The following TPTE variants were observed in gnomAD, a reference collection of about 807,000 sequenced individuals.
The protein encoded by TPTE is putative tyrosine-protein phosphatase TPTE.
Under a neutral mutation model 84.1 loss-of-function variants are expected in TPTE, and 59 were observed. That is an observed-to-expected ratio of 0.70 (90% CI 0.57 to 0.87). TPTE has a LOEUF of 0.87. TPTE is among the 40% of genes least tolerant of loss of function. The probability of loss-of-function intolerance (pLI) is 0.00; values close to 1 mark genes in which losing one functional copy is unlikely to be tolerated. For missense variants in TPTE, 382 were observed against 659.6 expected, an observed-to-expected ratio of 0.58 and a Z score of 4.61; for synonymous variants, 130 against 223.5, an observed-to-expected ratio of 0.58 and a Z score of 3.73.
chr21:10,547,124 C>T (rs926608211), intron 7 of TPTE, among the ~76,000 whole-genome samples: 1 of 152,312 alleles, frequency 6.6e-6, no homozygotes, highest in African/African-American at 2.4e-5. Context: ...AAGTTGAAGC[C>T]AACAATCATT....
intron 7 of TPTE, among the ~76,000 whole-genome samples, chr21:10,547,150 C>A (rs1472194780): frequency 6.6e-6 from 1 of 152,310 alleles, no homozygotes; most frequent in Non-Finnish European, 1.5e-5. Flanking sequence ...TTCTGAAAAT[C>A]CTGGGGCCCG....
intron 1 of TPTE, among the ~76,000 whole-genome samples, chr21:10,522,203 GC>G (rs1235572856): frequency 4.6e-5 from 7 of 152,398 alleles, no homozygotes; most frequent in African/African-American, 1.7e-4. Flanking sequence ...CCTCTAGGGC[GC>G]CCCCTCCCCA....
At chr21:10,588,697 A>G in intron 17 of TPTE, among the ~76,000 whole-genome samples, 1 of 152,428 alleles carries the variant, frequency 6.6e-6, no homozygotes, top group East Asian at 1.9e-4. Context: ...GACTTTCTTC[A>G]CTTTTAAAAA....
chr21:10,554,481 T>C (rs895296136), intron 8 of TPTE, among the ~76,000 whole-genome samples: 3 of 152,424 alleles, frequency 2.0e-5, no homozygotes, highest in Admixed American at 2.0e-4. Context: ...TTCTCTGATA[T>C]TAGTAAATAT....
chr21:10,546,249 T>C (rs2074465553), intron 7 of TPTE, among the ~76,000 whole-genome samples: 1 of 152,310 alleles, frequency 6.6e-6, no homozygotes, highest in African/African-American at 2.4e-5. Flanking sequence ...GATGTTACTA[T>C]TGTAATTGTT....
At chr21:10,527,172 G>GACAC (rs377575461) in intron 2 of TPTE, among the ~76,000 whole-genome samples, 183 bp from the exon 3 acceptor site, 13 of 127,794 alleles carry the variant, frequency 1.0e-4, no homozygotes, top group East Asian at 4.5e-4. Context: ...CACACACACA[G>GACAC]ACACACACAC....
chr21:10,593,839 C>G (rs1165713569), intron 19 of TPTE, among the ~76,000 whole-genome samples: 2 of 152,310 alleles, frequency 1.3e-5, no homozygotes, highest in Non-Finnish European at 2.9e-5. Context: ...ATGAGTTTTT[C>G]TTTAAGTGGT....
At chr21:10,543,652 CTT>C (rs1277905847) in intron 7 of TPTE, among the ~76,000 whole-genome samples, 5 of 152,310 alleles carry the variant, frequency 3.3e-5, no homozygotes, top group Non-Finnish European at 7.3e-5. Flanking sequence ...TTGTAGATAA[CTT>C]TGCACCTTTT....
intron 3 of TPTE, among the ~76,000 whole-genome samples, chr21:10,529,849 C>T (rs1461255251): frequency 6.6e-6 from 1 of 152,302 alleles, no homozygotes; most frequent in African/African-American, 2.4e-5. Context: ...ACTTTCATGC[C>T]CTAGTTTTAG....
At chr21:10,596,179 T>C in intron 20 of TPTE, 92 bp downstream of exon 20, 1 of 1,512,700 alleles carries the variant, frequency 6.6e-7, no homozygotes, top group African/African-American at 1.4e-5. Flanking sequence ...ATACAGATGA[T>C]CCTAACTCAT....
At chr21:10,549,628 G>A (rs1385560649) in intron 7 of TPTE, among the ~76,000 whole-genome samples, 1 of 152,278 alleles carries the variant, frequency 6.6e-6, no homozygotes, top group Non-Finnish European at 1.5e-5. Flanking sequence ...CAAGTCTTTT[G>A]AAATAACACA....
chr21:10,535,591 C>G (rs1279855969), intron 3 of TPTE, among the ~76,000 whole-genome samples: 1 of 152,304 alleles, frequency 6.6e-6, no homozygotes, highest in African/African-American at 2.4e-5. Context: ...TAGTAGTATC[C>G]AATCCCTTAG....
intron 23 of TPTE, 66 bp from the exon 24 acceptor site, chr21:10,605,351 G>A (rs1979151005): frequency 2.5e-6 from 4 of 1,581,600 alleles, no homozygotes; most frequent in South Asian, 2.3e-5. Context: ...TCTAACGTGG[G>A]TACCCAACTG....
chr21:10,534,568 T>G (rs1445048863), intron 3 of TPTE, among the ~76,000 whole-genome samples: 1 of 152,310 alleles, frequency 6.6e-6, no homozygotes, highest in African/African-American at 2.4e-5. Flanking sequence ...AGTTTAATTC[T>G]TTAGCTCTGA....
At chr21:10,594,265 G>T (rs2075539816) in intron 19 of TPTE, among the ~76,000 whole-genome samples, 1 of 152,306 alleles carries the variant, frequency 6.6e-6, no homozygotes, top group Non-Finnish European at 1.5e-5. Context: ...TTTTCCTAGA[G>T]TCCCTTTCCC....
Position 10,561,599 on chromosome 21 carries a change from AC to A in TPTE, c.446+416del, listed in dbSNP as rs1231096545. ...AGAACATTGGTGGTAGTCTGGCAGTACCCCCCCCATGTCCTGTGTTTGAGGT... is the reference window on the plus strand; with the variant it reads ...AGAACATTGGTGGTAGTCTGGCAGTACCCCCCCATGTCCTGTGTTTGAGGT... On this transcript the variant is annotated intron_variant, in intron 10 of 23. Coordinates refer to ENST00000618007, the MANE Select transcript of TPTE (RefSeq NM_199261.4). Among the ~76,000 whole-genome samples the A allele has an allele frequency of 5.5e-4, 84 of 152,266 alleles. No individual in the cohort carries two copies. In the South Asian group the frequency reaches 0.016, roughly 30 times the overall value.
intron 10 of TPTE, among the ~76,000 whole-genome samples, chr21:10,562,670 G>A (rs1466678678): frequency 6.6e-6 from 1 of 152,302 alleles, no homozygotes; most frequent in African/African-American, 2.4e-5. Flanking sequence ...TGATAAACCA[G>A]AAGAAAGAAT....
intron 11 of TPTE, among the ~76,000 whole-genome samples, 195 bp downstream of exon 11, chr21:10,567,984 G>C (rs2074962103): frequency 6.6e-6 from 1 of 152,310 alleles, no homozygotes; most frequent in Non-Finnish European, 1.5e-5. Context: ...GACCGGTGAA[G>C]AGTATACAGG....
intron 17 of TPTE, among the ~76,000 whole-genome samples, chr21:10,580,721 TC>T (rs1471397731): frequency 6.6e-6 from 1 of 152,308 alleles, no homozygotes; most frequent in African/African-American, 2.4e-5. Flanking sequence ...CTGTTTTTGT[TC>T]CAGTAATATT....
Sources: gnomAD v4.1 joint callset for allele counts (sites outside exome capture counted in the v4.1 genomes callset) on GRCh38, gnomAD v4.1.1 for gene constraint, MANE v1.5 for transcripts, NCBI Gene and HGNC (gene_info 2026-07-23, HGNC 2026-07-21) for gene names.